The following GALNT15 variants were observed in gnomAD, a reference collection of about 807,000 sequenced individuals.
GALNT15 encodes the protein UDP-GalNAc transferase T15.
A neutral mutation model predicts 66.8 loss-of-function variants in GALNT15; 67 were observed. The observed-to-expected ratio is 1.00, with a 90% CI of 0.82 to 1.23. GALNT15 has a LOEUF of 1.23. Ranked by LOEUF, GALNT15 falls within the 50% of genes most tolerant of loss-of-function variation. The pLI is 0.00. For synonymous variants in GALNT15, 313 were observed against 311.5 expected, an observed-to-expected ratio of 1.00 and a Z score of -0.05; for missense variants, 827 against 804.3, an observed-to-expected ratio of 1.03 and a Z score of -0.34.
chr3:16,244,053 T>C, the GALNT15 span: 5 of 974,748 alleles, frequency 5.1e-6, no homozygotes, highest in African/African-American at 1.8e-5. Flanking sequence ...CAGGCACCCA[T>C]GGTAACACAG....
Position 16,203,539 on chromosome 3 carries a change from TCTCTCACACACA to T in GALNT15, c.911+2718_911+2729del, listed in dbSNP as rs376574249. Among the ~76,000 whole-genome samples the T allele has an allele frequency of 7.5e-5, 4 of 53,310 alleles. No homozygotes were observed. The highest frequency in any genetic ancestry group is 4.7e-4 in the Admixed American group (2 of 4,300). The allele number at this position is 53,310 out of a possible 152,430, so 35.0% of individuals were successfully genotyped here. On this transcript the variant is annotated intron_variant, in intron 3 of 9. Transcript: ENST00000339732. The surrounding 1 kb of genome is among the most constrained non-coding windows in gnomAD (Gnocchi z 6.2). Reference sequence around the variant, plus strand: ...CACTCATTCTCTCTCTCTCTCTCTCTCTCTCACACACACACACACACACACACACACACACAC... The same window carrying T: ...CACTCATTCTCTCTCTCTCTCTCTCTCACACACACACACACACACACACAC...
At chr3:16,194,007 C>A (rs2063606709) in intron 1 of GALNT15, among the ~76,000 whole-genome samples, 1 of 152,212 alleles carries the variant, frequency 6.6e-6, no homozygotes, top group Admixed American at 6.5e-5. Context: ...TGTTCACAGA[C>A]AGCCCCTCAG....
the GALNT15 span, among the ~76,000 whole-genome samples, chr3:16,245,812 A>C: frequency 6.6e-6 from 1 of 152,262 alleles, no homozygotes; most frequent in Non-Finnish European, 1.5e-5. Flanking sequence ...AGACACATGC[A>C]TATGCAAATA....
In GALNT15 at chr3:16,209,539, C is replaced by T. The variant is rs139132681; in HGVS notation, c.1079+869C>T. Among the ~76,000 whole-genome samples, 169 of 152,250 alleles carry T rather than the reference C, an allele frequency of 1.1e-3. 1 individual carries two copies. The highest frequency in any genetic ancestry group is 3.9e-3 in the African/African-American group (160 of 41,546). On this transcript the variant is annotated intron_variant, in intron 4 of 9. Transcript: ENST00000339732. This position sits in a 1 kb window ranked among gnomAD's most constrained non-coding sequence, Gnocchi z 4.1. The stretch of plus-strand genomic sequence containing the variant: ...TTTAATAATTCATTAGGCAGCAGGC[C>T]AGATGCAGTGACTCATGCCTGTAAT...
chr3:16,191,396 T>C lies in GALNT15; in HGVS notation c.540-4364T>C. 1.1e-6 allele frequency: 1 copy of C among 927,290 alleles called. No individual in the cohort carries two copies. Among genetic ancestry groups the C allele is most frequent in the Non-Finnish European group, 1.3e-6 (1 of 776,726 alleles). The allele number at this position is 927,290 out of a possible 1,614,324, so 57.4% of individuals were successfully genotyped here. A position where few individuals can be genotyped will look rare whatever the true frequency, so the allele number is the denominator to read the frequency against. ...CTCACTCTGTGCCACCCACTGTTCT[T>C]GGTGCTTTATAAAGATCATTTCATC... On this transcript the variant is annotated intron_variant, in intron 1 of 9. Coordinates refer to ENST00000339732, the MANE Select transcript of GALNT15 (RefSeq NM_054110.5). This position sits in a 1 kb window ranked among gnomAD's most constrained non-coding sequence, Gnocchi z 5.2.
chr3:16,220,127 C>T, intron 8 of GALNT15, 113 bp downstream of exon 8: 1 of 816,292 alleles, frequency 1.2e-6, no homozygotes, highest in Non-Finnish European at 2.1e-6. Flanking sequence ...TCTGTGGTCC[C>T]ATGTCCCTTG....
Position 16,225,000 on chromosome 3 carries a change from G to T in GALNT15, c.1773+2242G>T, listed in dbSNP as rs976956936. Among the ~76,000 whole-genome samples, 1 of 152,242 alleles carries T rather than the reference G, an allele frequency of 6.6e-6. No individual in the cohort carries two copies. Among genetic ancestry groups the T allele is most frequent in the African/African-American group, 2.4e-5 (1 of 41,530 alleles). The stretch of plus-strand genomic sequence containing the variant: ...AGACTGGGTAATTTATAAGAAAAAA[G>T]GTGTAATTGGCTCATGGTTCTGCAG... On this transcript the variant is annotated intron_variant, in intron 9 of 9. Transcript: ENST00000339732. The surrounding 1 kb of genome is among the most constrained non-coding windows in gnomAD (Gnocchi z 5.2).
chr3:16,243,755 T>A, the GALNT15 span, among the ~76,000 whole-genome samples: 81,489 of 151,986 alleles, frequency 0.54, 21,934 homozygotes, highest in South Asian at 0.6. Flanking sequence ...TGTATCTAGG[T>A]GATTGTGGGA....
rs1158828830 is a variant in GALNT15, at chr3:16,209,616, G to A, written c.1079+946G>A. On this transcript the variant is annotated intron_variant, in intron 4 of 9. Transcript: ENST00000339732. This position sits in a 1 kb window ranked among gnomAD's most constrained non-coding sequence, Gnocchi z 4.1. ...GCTGATCACTCGAGGCCAGGAGTTC[G>A]AGACCAACCTGGCCATCATGGCGAA... is the stretch of plus-strand genomic sequence containing the variant. Among the ~76,000 whole-genome samples, 1 of 152,034 alleles carries A rather than the reference G, an allele frequency of 6.6e-6. No homozygotes were observed. Among genetic ancestry groups the A allele is most frequent in the Non-Finnish European group, 1.5e-5 (1 of 68,020 alleles).
In GALNT15 at chr3:16,204,685, A is replaced by G. The variant is rs1403886784; in HGVS notation, c.912-3818A>G. 2.0e-5 allele frequency among the ~76,000 whole-genome samples: 3 copies of G among 152,212 alleles called. No homozygotes were observed. Among genetic ancestry groups the G allele is most frequent in the Admixed American group, 2.0e-4 (3 of 15,284 alleles). ...CAGTCTTGAAAGGGGCTGAAAGATG[A>G]TATCATCTCAAGAAGCTGAACAAGT... On this transcript the variant is annotated intron_variant, in intron 3 of 9. Transcript: ENST00000339732. The surrounding 1 kb of genome is among the most constrained non-coding windows in gnomAD (Gnocchi z 4.5).
intron 6 of GALNT15, among the ~76,000 whole-genome samples, chr3:16,215,274 A>G (rs766258092): frequency 1.5e-4 from 23 of 152,230 alleles, no homozygotes; most frequent in Admixed American, 1.3e-4. Context: ...TTTTTAGAGC[A>G]TGACTGGTCT....
In GALNT15 at chr3:16,195,065, TAAAGA is replaced by T. The variant is rs914469153; in HGVS notation, c.540-691_540-687del. Among the ~76,000 whole-genome samples, 3 of 152,124 alleles carry T rather than the reference TAAAGA, an allele frequency of 2.0e-5. No individual in the cohort carries two copies. The highest frequency in any genetic ancestry group is 1.3e-4 in the Admixed American group (2 of 15,264). ...ATGCTAGGTTGTAGGAACATAAAAA[TAAAGA>T]AAATAGTGTCCCTGACCTTGAATGG... is the stretch of plus-strand genomic sequence containing the variant. On this transcript the variant is annotated intron_variant, in intron 1 of 9. Transcript: ENST00000339732. This position sits in a 1 kb window ranked among gnomAD's most constrained non-coding sequence, Gnocchi z 4.6.
At chr3:16,221,520 G>A (rs928741678) in intron 8 of GALNT15, among the ~76,000 whole-genome samples, 8 of 152,126 alleles carry the variant, frequency 5.3e-5, no homozygotes, top group Non-Finnish European at 8.8e-5. Flanking sequence ...TATGAGCCCC[G>A]GGAATCTACA....
At chr3:16,243,500 A>G in the GALNT15 span, among the ~76,000 whole-genome samples, 1 of 152,198 alleles carries the variant, frequency 6.6e-6, no homozygotes, top group Admixed American at 6.5e-5. Flanking sequence ...CCTTGGGGCT[A>G]TGCCCACCCG....
At chr3:16,197,315 C>A (rs2063649353) in intron 2 of GALNT15, among the ~76,000 whole-genome samples, 1 of 152,220 alleles carries the variant, frequency 6.6e-6, no homozygotes, top group Non-Finnish European at 1.5e-5. Flanking sequence ...TCCTGGCCAA[C>A]TCCCCTTCTG....
chr3:16,208,982 C>T (rs9846816), intron 4 of GALNT15, among the ~76,000 whole-genome samples: 2,168 of 152,294 alleles, frequency 0.014, 67 homozygotes, highest in African/African-American at 0.049. Context: ...CAGATAGCAT[C>T]AGTTAATGCC....
rs1367254453 is a variant in GALNT15 at position 16,227,165 on chromosome 3, G to T, written c.1774-189G>T. The stretch of plus-strand genomic sequence containing the variant: ...TTGGATTAGTTACCCCTAAGGTTTT[G>T]AGTGACATCCAAATTTTAGGGCTAC... On this transcript the variant is annotated intron_variant, in intron 9 of 9. Coordinates refer to ENST00000339732, the MANE Select transcript of GALNT15 (RefSeq NM_054110.5). The surrounding 1 kb of genome is among the most constrained non-coding windows in gnomAD (Gnocchi z 4.5). Among the ~76,000 whole-genome samples the T allele has an allele frequency of 6.6e-6, 1 of 152,182 alleles. No homozygotes were observed. The highest frequency in any genetic ancestry group is 1.5e-5 in the Non-Finnish European group (1 of 68,034).
rs897812112 is a variant in GALNT15, at chr3:16,174,910, G to A, written c.-242G>A. The A allele has an allele frequency of 4.7e-5, 24 of 509,958 alleles. No homozygotes were observed. In the Admixed American group the frequency reaches 7.5e-4, roughly 16 times the overall value. 31.6% of individuals were successfully genotyped at this position (509,958 alleles called of 1,614,324 possible). The stretch of plus-strand genomic sequence containing the variant: ...GTCCCTGTGAATGGGCTTTCAGAAG[G>A]CAATTAAAGAAATCCACTCAGAGAG... On this transcript the variant is annotated 5_prime_UTR_variant, in exon 1 of 10. Transcript: ENST00000339732. The surrounding 1 kb of genome is among the most constrained non-coding windows in gnomAD (Gnocchi z 4.7).
intron 6 of GALNT15, among the ~76,000 whole-genome samples, chr3:16,215,613 G>A (rs935585120): frequency 2.6e-5 from 4 of 152,090 alleles, no homozygotes; most frequent in African/African-American, 9.7e-5. Flanking sequence ...GATGTATTTG[G>A]TATATCGAAG....
Sources: gnomAD v4.1 joint callset for allele counts (sites outside exome capture counted in the v4.1 genomes callset) on GRCh38, gnomAD v4.1.1 for gene constraint, Gnocchi (gnomAD v3.1) non-coding constraint, MANE v1.5 for transcripts, NCBI Gene and HGNC (gene_info 2026-07-23, HGNC 2026-07-21) for gene names.